Variants in POPDC1 observed in about 807,000 individuals in gnomAD.
POPDC1 encodes popeye domain cAMP effector 1.
chr6:105,101,306 A>G, the POPDC1 span: 3 of 1,318,844 alleles, frequency 2.3e-6, no homozygotes, highest in African/African-American at 4.5e-5. Context: ...CTGGAAAATA[A>G]AACTGTAGGA....
the POPDC1 span, among the ~76,000 whole-genome samples, chr6:105,133,774 A>T: frequency 6.6e-6 from 1 of 152,286 alleles, no homozygotes; most frequent in East Asian, 1.9e-4. Flanking sequence ...CTTACCTGTT[A>T]AAAGATGGTA....
At chr6:105,101,072 C>T in the POPDC1 span, 3 of 1,597,256 alleles carry the variant, frequency 1.9e-6, no homozygotes, top group Non-Finnish European at 2.6e-6. Flanking sequence ...TCTTGGTAAC[C>T]TGAATTCTCT....
the POPDC1 span, chr6:105,124,423 T>C: frequency 4.8e-6 from 3 of 622,586 alleles, no homozygotes; most frequent in Non-Finnish European, 8.5e-6. Flanking sequence ...CAATACTATA[T>C]ATGCCCTATG....
chr6:105,110,164 C>G, the POPDC1 span, among the ~76,000 whole-genome samples: 1 of 152,122 alleles, frequency 6.6e-6, no homozygotes, highest in Non-Finnish European at 1.5e-5. Flanking sequence ...AAATGAAACA[C>G]CCACCTCGTA....
the POPDC1 span, among the ~76,000 whole-genome samples, chr6:105,130,308 A>G: frequency 6.6e-6 from 1 of 152,106 alleles, no homozygotes; most frequent in Non-Finnish European, 1.5e-5. Context: ...ACCATAATTT[A>G]TTTAACCATC....
chr6:105,100,536 GTGTATGTATA>G, the POPDC1 span: 1 of 35,646 alleles, frequency 2.8e-5, no homozygotes, highest in Non-Finnish European at 8.8e-5. Context: ...ATATGTATGT[GTGTATGTATA>G]TATATGTATA....
chr6:105,104,534 T>C, the POPDC1 span, among the ~76,000 whole-genome samples: 1 of 152,096 alleles, frequency 6.6e-6, no homozygotes, highest in East Asian at 1.9e-4. Flanking sequence ...GAAAAAGACA[T>C]GGACATCACC....
chr6:105,114,104 CT>C, the POPDC1 span, among the ~76,000 whole-genome samples: 1 of 152,146 alleles, frequency 6.6e-6, no homozygotes, highest in Non-Finnish European at 1.5e-5. Context: ...CTGTACAAGC[CT>C]TTATTAAAAT....
the POPDC1 span, among the ~76,000 whole-genome samples, chr6:105,108,010 A>G: frequency 1.3e-5 from 2 of 152,132 alleles, no homozygotes; most frequent in Non-Finnish European, 2.9e-5. Context: ...AATTAGGGCA[A>G]ATGCGGAGGT....
At chr6:105,128,583 C>T in the POPDC1 span, among the ~76,000 whole-genome samples, 1 of 152,128 alleles carries the variant, frequency 6.6e-6, no homozygotes, top group African/African-American at 2.4e-5. Flanking sequence ...TACAGTAAAA[C>T]AACACAGACT....
the POPDC1 span, among the ~76,000 whole-genome samples, chr6:105,108,399 G>A: frequency 6.6e-6 from 1 of 152,000 alleles, no homozygotes; most frequent in Non-Finnish European, 1.5e-5. Flanking sequence ...ACAACGATAA[G>A]GAAAAAGGAA....
chr6:105,135,475 C>G, the POPDC1 span, among the ~76,000 whole-genome samples: 4 of 152,120 alleles, frequency 2.6e-5, no homozygotes, highest in African/African-American at 9.7e-5. Flanking sequence ...TTTACATAAT[C>G]AATCAATCAA....
At chr6:105,110,268 G>A in the POPDC1 span, among the ~76,000 whole-genome samples, 1 of 152,124 alleles carries the variant, frequency 6.6e-6, no homozygotes, top group Non-Finnish European at 1.5e-5. Context: ...ACAAGTTTAT[G>A]CTCACATTGA....
chr6:105,125,252 G>T, the POPDC1 span: 2 of 978,522 alleles, frequency 2.0e-6, no homozygotes, highest in Non-Finnish European at 1.5e-6. Flanking sequence ...TATAGTTGTA[G>T]CAAAAAATTC....
chr6:105,115,288 C>G, the POPDC1 span, among the ~76,000 whole-genome samples: 2 of 152,146 alleles, frequency 1.3e-5, no homozygotes, highest in Non-Finnish European at 2.9e-5. Flanking sequence ...CGGGGTTTCA[C>G]CGTATTAGTC....
chr6:105,132,419 C>T, the POPDC1 span, among the ~76,000 whole-genome samples: 133,742 of 152,196 alleles, frequency 0.88, 59,754 homozygotes, highest in Non-Finnish European at 0.96. Context: ...ACCTCCTCAG[C>T]GGGACCCTGC....
At chr6:105,133,133 AACATATGAAAGC>A in the POPDC1 span, among the ~76,000 whole-genome samples, 1 of 152,224 alleles carries the variant, frequency 6.6e-6, no homozygotes, top group Admixed American at 6.5e-5. Context: ...AAACCTAAAC[AACATATGAAAGC>A]ACATATAAAC....
At chr6:105,101,007 TA>T in the POPDC1 span, 4 of 1,499,276 alleles carry the variant, frequency 2.7e-6, no homozygotes, top group Non-Finnish European at 2.7e-6. Flanking sequence ...CAGAATAACC[TA>T]AAAGCCATGA....
chr6:105,125,523 C>A, the POPDC1 span: 1 of 1,614,050 alleles, frequency 6.2e-7, no homozygotes, highest in South Asian at 1.1e-5. Flanking sequence ...TGGAGGCACA[C>A]GGAGTGGTTC....
Sources: allele counts gnomAD v4.1 joint callset (sites outside exome capture counted in the v4.1 genomes callset), GRCh38; gene constraint gnomAD v4.1.1; transcripts MANE v1.5; gene names NCBI Gene and HGNC (gene_info 2026-07-23, HGNC 2026-07-21).